LAMA2: variants seen among roughly 807,000 people sequenced by gnomAD.
LAMA2 encodes the protein laminin subunit alpha 2, also known as laminin subunit alpha-2.
In LAMA2, 269 loss-of-function variants were observed where a neutral mutation model predicts 364.8. That is an observed-to-expected ratio of 0.74 (90% CI 0.67 to 0.82). LAMA2 has a LOEUF of 0.82. LAMA2 is among the 40% of genes least tolerant of loss of function. The probability of loss-of-function intolerance (pLI) is 0.00; values close to 1 mark genes in which losing one functional copy is unlikely to be tolerated. For missense variants in LAMA2, 3,807 were observed against 3,873.2 expected (o/e 0.98, Z 0.45); for synonymous variants, 1,379 against 1,370.6 (o/e 1.01, Z -0.14).
intron 1 of LAMA2, among the ~76,000 whole-genome samples, chr6:129,049,639 G>T (rs933436391): frequency 6.6e-6 from 1 of 152,026 alleles, no homozygotes; most frequent in Non-Finnish European, 1.5e-5. Context: ...TTTAGAATGT[G>T]TCCTAGAGAC....
At chr6:128,961,805 C>A (rs963926922) in intron 1 of LAMA2, among the ~76,000 whole-genome samples, 1 of 151,878 alleles carries the variant, frequency 6.6e-6, no homozygotes, top group African/African-American at 2.4e-5. Context: ...TATTAACCAT[C>A]ACAAGAATAA....
At chr6:129,089,944 A>G (rs1273694740) in intron 3 of LAMA2, among the ~76,000 whole-genome samples, 2 of 152,178 alleles carry the variant, frequency 1.3e-5, no homozygotes, top group Non-Finnish European at 1.5e-5. Flanking sequence ...ATTAAAGCAT[A>G]TTTCTTGAGC....
At chr6:129,416,514 G>A in intron 40 of LAMA2, among the ~76,000 whole-genome samples, 1 of 152,076 alleles carries the variant, frequency 6.6e-6, no homozygotes, top group East Asian at 1.9e-4. Context: ...CACACAGCAT[G>A]GTGAGCCATT....
intron 12 of LAMA2, among the ~76,000 whole-genome samples, chr6:129,228,185 G>C (rs1284155847): frequency 6.6e-6 from 1 of 152,168 alleles, no homozygotes; most frequent in Non-Finnish European, 1.5e-5. Flanking sequence ...GGAAAAGCGT[G>C]GTATTAGGGT....
At chr6:129,215,873 A>T (rs1783394017) in intron 12 of LAMA2, among the ~76,000 whole-genome samples, 1 of 152,156 alleles carries the variant, frequency 6.6e-6, no homozygotes, top group African/African-American at 2.4e-5. Flanking sequence ...AGATTATATA[A>T]CAGATCCCAC....
At chr6:129,152,334 T>C (rs1316780044) in intron 7 of LAMA2, among the ~76,000 whole-genome samples, 1 of 152,216 alleles carries the variant, frequency 6.6e-6, no homozygotes, top group Non-Finnish European at 1.5e-5. Context: ...TTGGTGGCTA[T>C]GGAGAAAGTG....
chr6:129,120,862 G>A (rs1453461246), intron 4 of LAMA2, among the ~76,000 whole-genome samples: 3 of 152,160 alleles, frequency 2.0e-5, no homozygotes, highest in African/African-American at 7.2e-5. Flanking sequence ...CATTATAGAA[G>A]AATCCAAATG....
At chr6:128,886,262 A>C (rs1776143153) in intron 1 of LAMA2, among the ~76,000 whole-genome samples, 1 of 152,032 alleles carries the variant, frequency 6.6e-6, no homozygotes. Context: ...TGGCACCTAC[A>C]TGAAGTTGCT....
chr6:128,971,112 C>T (rs530574104), intron 1 of LAMA2, among the ~76,000 whole-genome samples: 1 of 152,286 alleles, frequency 6.6e-6, no homozygotes, highest in Admixed American at 6.5e-5. Flanking sequence ...CTTTGCCTTC[C>T]TGTGCCTGGT....
intron 29 of LAMA2, among the ~76,000 whole-genome samples, chr6:129,340,732 G>A (rs924619313): frequency 4.0e-5 from 6 of 150,372 alleles, no homozygotes; most frequent in African/African-American, 1.5e-4. Context: ...AGCTACTCGG[G>A]AAGGTGAGGC....
At chr6:129,089,112 G>T (rs1280977379) in intron 3 of LAMA2, among the ~76,000 whole-genome samples, 1 of 152,262 alleles carries the variant, frequency 6.6e-6, no homozygotes, top group Non-Finnish European at 1.5e-5. Context: ...AGGAGCTGGA[G>T]ACCAGCCCGG....
At chr6:129,428,155 C>T (rs568109513) in intron 41 of LAMA2, among the ~76,000 whole-genome samples, 1 of 152,292 alleles carries the variant, frequency 6.6e-6, no homozygotes, top group East Asian at 1.9e-4. Context: ...CCAGGCCAGC[C>T]ATAGTGGCTC....
rs1787089268 is a variant in LAMA2 at position 129,516,448 on chromosome 6, G to A, written c.*101G>A. 2 of 1,188,820 alleles carry A rather than the reference G, an allele frequency of 1.7e-6. No homozygotes were observed. The highest frequency in any genetic ancestry group is 1.5e-5 in the African/African-American group (1 of 65,780). 73.6% of individuals were successfully genotyped at this position (1,188,820 alleles called of 1,614,324 possible). ...ATATATGTTAATTAAACTAATTTGT[G>A]CATGTACATAGAATTCTTTCTGTAT... On this transcript the variant is annotated 3_prime_UTR_variant, in exon 65 of 65. Transcript: ENST00000421865.
chr6:129,516,154 T>C, intron 64 of LAMA2, 36 bp from the exon 65 acceptor site: 1 of 1,612,484 alleles, frequency 6.2e-7, no homozygotes. Context: ...GTGCAGGACA[T>C]TTCAAAGCTG....
At chr6:128,886,338 A>G (rs1443480116) in intron 1 of LAMA2, among the ~76,000 whole-genome samples, 1 of 152,100 alleles carries the variant, frequency 6.6e-6, no homozygotes, top group Non-Finnish European at 1.5e-5. Flanking sequence ...AATTAGTTAC[A>G]TTGTTTATAT....
chr6:129,220,903 C>T (rs778952084), intron 12 of LAMA2, among the ~76,000 whole-genome samples: 4 of 152,024 alleles, frequency 2.6e-5, no homozygotes, highest in South Asian at 2.1e-4. Flanking sequence ...GGCTCATGCC[C>T]GTATTCCCAG....
At chr6:128,971,739 A>G (rs1437974357) in intron 1 of LAMA2, among the ~76,000 whole-genome samples, 2 of 152,194 alleles carry the variant, frequency 1.3e-5, no homozygotes, top group Non-Finnish European at 2.9e-5. Context: ...AGACTGATAC[A>G]TGGCATGGTC....
At chr6:129,273,853 A>C (rs1788109401) in intron 17 of LAMA2, among the ~76,000 whole-genome samples, 1 of 151,986 alleles carries the variant, frequency 6.6e-6, no homozygotes, top group South Asian at 2.1e-4. Context: ...TGATTCTTTC[A>C]TTTTCAAAAT....
chr6:129,444,928 G>T (rs552444077), intron 44 of LAMA2, among the ~76,000 whole-genome samples: 1 of 152,344 alleles, frequency 6.6e-6, no homozygotes, highest in African/African-American at 2.4e-5. Context: ...CCCTTGAAAA[G>T]CACATACTGA....
Sources: allele counts gnomAD v4.1 joint callset (sites outside exome capture counted in the v4.1 genomes callset), GRCh38; gene constraint gnomAD v4.1.1; transcripts MANE v1.5; gene names NCBI Gene and HGNC (gene_info 2026-07-23, HGNC 2026-07-21).